The following SLC7A11 variants were observed in gnomAD, a reference collection of about 807,000 sequenced individuals.
SLC7A11 encodes the protein cystine/glutamate transporter.
Under a neutral mutation model 54.5 loss-of-function variants are expected in SLC7A11, and 35 were observed. That is an observed-to-expected ratio of 0.64 (90% CI 0.49 to 0.85). SLC7A11 has a LOEUF of 0.85. Ranked by LOEUF, SLC7A11 falls within the 40% of genes least tolerant of loss-of-function variation. The probability of loss-of-function intolerance (pLI) is 0.00; values close to 1 mark genes in which losing one functional copy is unlikely to be tolerated. For missense variants in SLC7A11, 583 were observed against 618.1 expected (o/e 0.94, Z 0.60); for synonymous variants, 230 against 225.2 (o/e 1.02, Z -0.19).
Position 138,171,883 on chromosome 4 carries a change from T to G in SLC7A11, c.*73A>C. Reference sequence around the variant, plus strand: ...ACCAAAGTTGTAATTCTCTAGACTTTCAGAAAATGAAGTAAAAATCCCTAT... The same window carrying G: ...ACCAAAGTTGTAATTCTCTAGACTTGCAGAAAATGAAGTAAAAATCCCTAT... On this transcript the variant is annotated 3_prime_UTR_variant, in exon 12 of 12. Coordinates refer to ENST00000280612, the MANE Select transcript of SLC7A11 (RefSeq NM_014331.4). The G allele has an allele frequency of 1.3e-6, 2 of 1,541,458 alleles. No homozygotes were observed. The highest frequency in any genetic ancestry group is 1.7e-6 in the Non-Finnish European group (2 of 1,153,880).
At chr4:138,230,110 G>A (rs932340067) in intron 3 of SLC7A11, among the ~76,000 whole-genome samples, 25 of 152,158 alleles carry the variant, frequency 1.6e-4, no homozygotes, top group African/African-American at 5.3e-4. Context: ...TGTCTTCTGC[G>A]GGAACATGGA....
At chr4:138,221,680 C>A (rs1004771970) in intron 4 of SLC7A11, among the ~76,000 whole-genome samples, 1 of 152,168 alleles carries the variant, frequency 6.6e-6, no homozygotes, top group Non-Finnish European at 1.5e-5. Context: ...CCTCTGCTCT[C>A]AAGGAATTTG....
intron 6 of SLC7A11, among the ~76,000 whole-genome samples, chr4:138,210,918 T>C (rs1351662856): frequency 3.9e-5 from 6 of 152,118 alleles, no homozygotes; most frequent in Non-Finnish European, 7.4e-5. Context: ...GGAAAATAAG[T>C]AATTCTATGA....
rs1031860373 is a variant in SLC7A11 at position 138,219,309 on chromosome 4, A to G, written c.703T>C (p.Leu235=). ...ATTCCATAATAAAAAGCCAGTGGCA[A>G]CCGCGTAATACTTGAATCTCTTCCT... ...FSGRDSSITR[L]PLAFYYGMYA... is the part of the protein sequence containing the mutation. Residue 235 remains leucine, a synonymous_variant, in exon 5 of 12, where the codon TTG becomes CTG. Transcript: ENST00000280612. 27 of 1,611,452 alleles carry G rather than the reference A, an allele frequency of 1.7e-5. No individual in the cohort carries two copies. Among genetic ancestry groups the G allele is most frequent in the Non-Finnish European group, 2.3e-5 (27 of 1,177,886 alleles).
At chr4:138,237,780 T>A (rs1738275028) in intron 1 of SLC7A11, among the ~76,000 whole-genome samples, 1 of 105,624 alleles carries the variant, frequency 9.5e-6, no homozygotes, top group Non-Finnish European at 1.8e-5. Flanking sequence ...AGATGGAGTC[T>A]CACTCTGTCC....
At chr4:138,179,072 A>C in intron 11 of SLC7A11, 145 bp downstream of exon 11, 2 of 583,886 alleles carry the variant, frequency 3.4e-6, no homozygotes, top group Non-Finnish European at 6.0e-6. Context: ...TCCTGCCAAA[A>C]AGCAGTTCCA....
At chr4:138,183,429 TTCTC>T (rs1386707922) in intron 7 of SLC7A11, 124 bp from the exon 8 acceptor site, 26 of 672,800 alleles carry the variant, frequency 3.9e-5, no homozygotes, top group Non-Finnish European at 6.9e-5. Context: ...GTTTTATAAT[TTCTC>T]TCTTTGGTTA....
intron 3 of SLC7A11, among the ~76,000 whole-genome samples, chr4:138,224,820 AAGGAAG>A (rs1578666249): frequency 1.2e-3 from 18 of 14,622 alleles, no homozygotes; most frequent in South Asian, 9.6e-3. Flanking sequence ...GGATGAAAGG[AAGGAAG>A]GAAGGAAGGA....
At chr4:138,193,632 C>T (rs1389548862) in intron 6 of SLC7A11, among the ~76,000 whole-genome samples, 4 of 152,024 alleles carry the variant, frequency 2.6e-5, no homozygotes, top group Non-Finnish European at 4.4e-5. Flanking sequence ...AACCCCATCT[C>T]TACTAAAAAT....
intron 1 of SLC7A11, among the ~76,000 whole-genome samples, chr4:138,240,850 T>C (rs1291153099): frequency 6.6e-6 from 1 of 152,234 alleles, no homozygotes; most frequent in African/African-American, 2.4e-5. Flanking sequence ...CCAGTTTTTA[T>C]CATCTTTACA....
chr4:138,185,912 T>C (rs745463639), intron 6 of SLC7A11, among the ~76,000 whole-genome samples: 1 of 152,166 alleles, frequency 6.6e-6, no homozygotes, highest in African/African-American at 2.4e-5. Context: ...ATAATGACTT[T>C]GCACTGCCCT....
intron 11 of SLC7A11, among the ~76,000 whole-genome samples, chr4:138,172,750 A>G (rs1031001753): frequency 1.3e-5 from 2 of 152,170 alleles, no homozygotes; most frequent in African/African-American, 4.8e-5. Context: ...AGAACCATTG[A>G]GCTAGATGAT....
At chr4:138,195,999 G>T (rs964684948) in intron 6 of SLC7A11, among the ~76,000 whole-genome samples, 2 of 151,806 alleles carry the variant, frequency 1.3e-5, no homozygotes, top group Non-Finnish European at 2.9e-5. Context: ...CTTAAAGAAG[G>T]CTTAAAAAAA....
At chr4:138,183,096 AAAC>A (rs1005222683) in intron 8 of SLC7A11, 103 bp downstream of exon 8, 73 of 769,810 alleles carry the variant, frequency 9.5e-5, no homozygotes, top group Non-Finnish European at 1.9e-5. Flanking sequence ...GTCCCTTTAA[AAAC>A]AACAGGTTTG....
At chr4:138,184,666 T>C (rs1736832653) in intron 7 of SLC7A11, among the ~76,000 whole-genome samples, 1 of 152,128 alleles carries the variant, frequency 6.6e-6, no homozygotes, top group African/African-American at 2.4e-5. Flanking sequence ...CAAAAGGATA[T>C]ACTAGGAAAA....
At chr4:138,224,092 G>A (rs1162017283) in intron 3 of SLC7A11, among the ~76,000 whole-genome samples, 1 of 152,160 alleles carries the variant, frequency 6.6e-6, no homozygotes, top group African/African-American at 2.4e-5. Flanking sequence ...CAAGGATAGA[G>A]CAAGGGTTAT....
chr4:138,181,359 A>G, intron 9 of SLC7A11, among the ~76,000 whole-genome samples: 1 of 152,010 alleles, frequency 6.6e-6, no homozygotes, highest in Non-Finnish European at 1.5e-5. Context: ...TGTGACCCTC[A>G]AGACCACGGA....
At chr4:138,202,352 G>T (rs1028607883) in intron 6 of SLC7A11, among the ~76,000 whole-genome samples, 1 of 151,978 alleles carries the variant, frequency 6.6e-6, no homozygotes, top group Non-Finnish European at 1.5e-5. Flanking sequence ...TATGATCCTA[G>T]ATCTTCAGAT....
chr4:138,165,021 G>A lies in SLC7A11; in HGVS notation c.*6935C>T, dbSNP rs1736221303. 1 of 152,170 alleles carries A rather than the reference G, an allele frequency of 6.6e-6. No individual in the cohort carries two copies. Among genetic ancestry groups the A allele is most frequent in the African/African-American group, 2.4e-5 (1 of 41,402 alleles). 9.4% of individuals were successfully genotyped at this position (152,170 alleles called of 1,614,324 possible). ...CACTTGTTGCAAATTATAAATGCTT[G>A]TCACAGAATATGAAAAATATTTAAA... On this transcript the variant is annotated 3_prime_UTR_variant, in exon 12 of 12. Transcript: ENST00000280612.
Sources: allele counts gnomAD v4.1 joint callset (sites outside exome capture counted in the v4.1 genomes callset), GRCh38; gene constraint gnomAD v4.1.1; transcripts MANE v1.5; gene names NCBI Gene and HGNC (gene_info 2026-07-23, HGNC 2026-07-21).